CDH8: variants seen among roughly 807,000 people sequenced by gnomAD.
The protein encoded by CDH8 is cadherin 8.
In CDH8, 17 loss-of-function variants were observed where a neutral mutation model predicts 68.1. That is an observed-to-expected ratio of 0.25 (90% CI 0.17 to 0.37). The LOEUF (loss-of-function observed/expected upper bound fraction) is 0.37. CDH8 is among the 10% of genes least tolerant of loss of function. CDH8 has a pLI of 1.00. For synonymous variants in CDH8, 372 were observed against 365.1 expected, an observed-to-expected ratio of 1.02 and a Z score of -0.21; for missense variants, 763 against 999.3, an observed-to-expected ratio of 0.76 and a Z score of 3.19.
chr16:61,977,163 T>G (rs553932043), intron 2 of CDH8, among the ~76,000 whole-genome samples: 1 of 152,284 alleles, frequency 6.6e-6, no homozygotes, highest in African/African-American at 2.4e-5. Context: ...TTCCCAGCCA[T>G]GTGGCAGTTA....
At chr16:61,978,222 A>T (rs545833372) in intron 2 of CDH8, among the ~76,000 whole-genome samples, 1 of 152,296 alleles carries the variant, frequency 6.6e-6, no homozygotes, top group East Asian at 1.9e-4. Flanking sequence ...CTGAAACACA[A>T]TGTTCTCATT....
intron 9 of CDH8, chr16:61,726,567 G>A (rs1263360257): frequency 6.6e-6 from 1 of 151,114 alleles, no homozygotes; most frequent in Non-Finnish European, 1.5e-5. Context: ...CACAAAAAAT[G>A]TTCTACTAAT....
chr16:61,936,748 GGGT>G (rs1964633293), intron 2 of CDH8, among the ~76,000 whole-genome samples: 1 of 152,130 alleles, frequency 6.6e-6, no homozygotes, highest in Admixed American at 6.6e-5. Context: ...CTGCCACCAG[GGGT>G]CCCACTGATC....
rs569534910 is a variant in CDH8, at chr16:61,998,417, G to C, written c.252+22735C>G. 3.3e-5 allele frequency among the ~76,000 whole-genome samples: 5 copies of C among 152,238 alleles called. No homozygotes were observed. In the South Asian group the frequency reaches 1.0e-3, roughly 32 times the overall value. ...GAGATTCAAAGAGATCAGGTTATTT[G>C]CATAAAAGCACATGGCTAGTTGGTG... On this transcript the variant is annotated intron_variant, in intron 2 of 11. Transcript: ENST00000577390.
At chr16:61,821,274 G>C (rs531022503) in intron 5 of CDH8, among the ~76,000 whole-genome samples, 161 bp from the exon 6 acceptor site, 1 of 152,128 alleles carries the variant, frequency 6.6e-6, no homozygotes, top group African/African-American at 2.4e-5. Flanking sequence ...CTTCTGGAAT[G>C]TTCAGTCTTT....
At chr16:61,761,332 A>C (rs1395390384) in intron 8 of CDH8, among the ~76,000 whole-genome samples, 1 of 152,148 alleles carries the variant, frequency 6.6e-6, no homozygotes, top group East Asian at 1.9e-4. Flanking sequence ...TTTCTGTTTG[A>C]TTTAGGAGTA....
intron 3 of CDH8, among the ~76,000 whole-genome samples, chr16:61,864,685 T>G (rs1963220043): frequency 6.6e-6 from 1 of 152,188 alleles, no homozygotes; most frequent in Non-Finnish European, 1.5e-5. Context: ...TTAGGGCTTC[T>G]TTTTTAACCC....
At chr16:61,752,840 G>C (rs1334471633) in intron 8 of CDH8, among the ~76,000 whole-genome samples, 2 of 152,124 alleles carry the variant, frequency 1.3e-5, no homozygotes, top group East Asian at 1.9e-4. Context: ...AAGCTGGAGG[G>C]GGAACAAAAG....
intron 10 of CDH8, among the ~76,000 whole-genome samples, chr16:61,701,116 C>T (rs947816603): frequency 1.3e-5 from 2 of 152,118 alleles, no homozygotes; most frequent in South Asian, 4.1e-4. Context: ...AAAGACAATG[C>T]GTTGACCTGT....
chr16:61,764,860 AT>A (rs1386207997), intron 8 of CDH8, among the ~76,000 whole-genome samples: 4 of 152,080 alleles, frequency 2.6e-5, no homozygotes, highest in Non-Finnish European at 5.9e-5. Flanking sequence ...TCAGAGCATT[AT>A]TGCAATTGTA....
intron 2 of CDH8, among the ~76,000 whole-genome samples, chr16:61,923,915 C>G (rs1964416166): frequency 6.7e-6 from 1 of 148,928 alleles, no homozygotes; most frequent in Admixed American, 6.8e-5. Context: ...CTCTTTAGAA[C>G]AGGGTAAACT....
chr16:61,921,256 A>G (rs1459173000), intron 2 of CDH8, among the ~76,000 whole-genome samples: 4 of 148,074 alleles, frequency 2.7e-5, no homozygotes. Context: ...AAGTATAATA[A>G]TAATAATAAT....
chr16:62,027,711 C>T (rs1432784177), intron 1 of CDH8, among the ~76,000 whole-genome samples: 1 of 152,210 alleles, frequency 6.6e-6, no homozygotes, highest in East Asian at 1.9e-4. Flanking sequence ...AGCAATTCAC[C>T]CAAGCCCTGG....
intron 2 of CDH8, among the ~76,000 whole-genome samples, chr16:61,926,616 ATTG>A (rs1360485045): frequency 5.9e-5 from 9 of 152,232 alleles, no homozygotes; most frequent in Admixed American, 4.6e-4. Context: ...CATTTAAGCA[ATTG>A]TTGTCTGTGC....
intron 3 of CDH8, among the ~76,000 whole-genome samples, chr16:61,891,014 A>G (rs1046182885): frequency 6.6e-6 from 1 of 152,098 alleles, no homozygotes; most frequent in South Asian, 2.1e-4. Flanking sequence ...CGATGTTTCT[A>G]TAAGACTATA....
At chr16:61,860,751 C>CCAAAT (rs1463226238) in intron 3 of CDH8, among the ~76,000 whole-genome samples, 2 of 152,136 alleles carry the variant, frequency 1.3e-5, no homozygotes, top group Non-Finnish European at 2.9e-5. Context: ...ATTGTCAAAA[C>CCAAAT]TTCCTGTCAT....
intron 8 of CDH8, among the ~76,000 whole-genome samples, chr16:61,766,109 C>A: frequency 6.6e-6 from 1 of 151,698 alleles, no homozygotes; most frequent in Middle Eastern, 3.4e-3. Flanking sequence ...TACATTGTAC[C>A]CAATAGGTAG....
chr16:62,001,123 C>G (rs1438099814), intron 2 of CDH8, among the ~76,000 whole-genome samples: 1 of 152,090 alleles, frequency 6.6e-6, no homozygotes, highest in Non-Finnish European at 1.5e-5. Context: ...AATGACTGGT[C>G]TAGTTTTGAA....
At chr16:61,711,665 C>T (rs964708065) in intron 10 of CDH8, 18 of 151,558 alleles carry the variant, frequency 1.2e-4, no homozygotes, top group Non-Finnish European at 7.4e-5. Context: ...GGAAGAGGAA[C>T]ATAGAGTATA....
Sources: allele counts gnomAD v4.1 joint callset (sites outside exome capture counted in the v4.1 genomes callset), GRCh38; gene constraint gnomAD v4.1.1; transcripts MANE v1.5; gene names NCBI Gene and HGNC (gene_info 2026-07-23, HGNC 2026-07-21).